The following ELAVL2 variants were observed in gnomAD, a reference collection of about 807,000 sequenced individuals.
ELAVL2 encodes the protein ELAV-like protein 2.
ELAVL2 carries 4 observed loss-of-function variants against 34.6 expected under a neutral mutation model. The ratio of observed to expected loss-of-function variants is 0.12; its 90% CI spans 0.06 to 0.26. The LOEUF is 0.26. Among genes scored for constraint, ELAVL2 ranks in the 10% least tolerant of loss-of-function variants. The probability of loss-of-function intolerance (pLI) is 1.00; values close to 1 mark genes in which losing one functional copy is unlikely to be tolerated. For missense variants in ELAVL2, 432 were observed against 442.8 expected (o/e 0.98, Z 0.22); for synonymous variants, 193 against 154.8 (o/e 1.25, Z -1.83).
chr9:23,793,264 C>T (rs985803219), intron 1 of ELAVL2, among the ~76,000 whole-genome samples: 13 of 152,308 alleles, frequency 8.5e-5, no homozygotes, highest in African/African-American at 3.1e-4. Flanking sequence ...TTCAAATAGG[C>T]TTTTACCTCC....
chr9:23,714,328 G>T (rs1465727169), intron 3 of ELAVL2, among the ~76,000 whole-genome samples: 1 of 152,172 alleles, frequency 6.6e-6, no homozygotes, highest in Non-Finnish European at 1.5e-5. Flanking sequence ...CACAGAAACA[G>T]TTCAAAAATC....
intron 1 of ELAVL2, among the ~76,000 whole-genome samples, chr9:23,775,931 T>A (rs2136506401): frequency 6.6e-6 from 1 of 152,330 alleles, no homozygotes; most frequent in African/African-American, 2.4e-5. Flanking sequence ...GATAACTCTG[T>A]GTGCTCCTAT....
At chr9:23,694,198 G>A (rs914744875) in intron 5 of ELAVL2, among the ~76,000 whole-genome samples, 4 of 151,042 alleles carry the variant, frequency 2.6e-5, no homozygotes, top group African/African-American at 9.8e-5. Flanking sequence ...TACGCTACAG[G>A]AAGTGTCGTC....
intron 6 of ELAVL2, 32 bp downstream of exon 6, chr9:23,693,416 G>A: frequency 6.2e-7 from 1 of 1,613,024 alleles, no homozygotes; most frequent in Non-Finnish European, 8.5e-7. Flanking sequence ...CTGTGGAAAG[G>A]GATTATGAGT....
At chr9:23,786,781 C>CAAAAAAAAAAAAAAAAAAAAA (rs57292061) in intron 1 of ELAVL2, among the ~76,000 whole-genome samples, 15 of 108,146 alleles carry the variant, frequency 1.4e-4, no homozygotes, top group Non-Finnish European at 2.3e-4. Flanking sequence ...ATTTTAGTGG[C>CAAAAAAAAAAAAAAAAAAAAA]AAAAAAAAAA....
At chr9:23,695,596 G>A (rs914169073) in intron 5 of ELAVL2, among the ~76,000 whole-genome samples, 3 of 152,128 alleles carry the variant, frequency 2.0e-5, no homozygotes, top group African/African-American at 7.2e-5. Context: ...TACAAACCTA[G>A]ATGGTAATAG....
chr9:23,700,922 G>C (rs1481480934), intron 5 of ELAVL2, among the ~76,000 whole-genome samples: 1 of 151,738 alleles, frequency 6.6e-6, no homozygotes, highest in African/African-American at 2.4e-5. Flanking sequence ...AAACAATTCA[G>C]ATAACCCCAG....
intron 5 of ELAVL2, among the ~76,000 whole-genome samples, chr9:23,695,636 G>T (rs1192230017): frequency 1.3e-5 from 2 of 152,126 alleles, no homozygotes; most frequent in Non-Finnish European, 2.9e-5. Context: ...TATGGTATGG[G>T]CTATGGCTCC....
intron 4 of ELAVL2, among the ~76,000 whole-genome samples, chr9:23,704,513 T>C (rs2038646117): frequency 6.6e-6 from 1 of 152,182 alleles, no homozygotes; most frequent in Admixed American, 6.5e-5. Flanking sequence ...AGTGTGGATG[T>C]AGTGTAATCC....
intron 1 of ELAVL2, among the ~76,000 whole-genome samples, chr9:23,804,950 G>C (rs778723005): frequency 1.3e-5 from 2 of 152,138 alleles, no homozygotes; most frequent in Non-Finnish European, 1.5e-5. Context: ...CCTTGAACTT[G>C]TTATATATAA....
At chr9:23,720,553 A>G (rs1204905130) in intron 3 of ELAVL2, among the ~76,000 whole-genome samples, 1 of 152,208 alleles carries the variant, frequency 6.6e-6, no homozygotes, top group East Asian at 1.9e-4. Context: ...TTATGCTAGC[A>G]TAATTGTAAT....
At chr9:23,775,293 C>T (rs1366996295) in intron 1 of ELAVL2, among the ~76,000 whole-genome samples, 1 of 152,188 alleles carries the variant, frequency 6.6e-6, no homozygotes, top group Non-Finnish European at 1.5e-5. Flanking sequence ...GTGACTCACG[C>T]TTGTAATTCC....
At chr9:23,756,921 T>C (rs1461963668) in intron 2 of ELAVL2, among the ~76,000 whole-genome samples, 2 of 152,098 alleles carry the variant, frequency 1.3e-5, no homozygotes, top group African/African-American at 4.8e-5. Flanking sequence ...ACCGTGCATT[T>C]CTAGCACTCA....
At chr9:23,831,271 T>C (rs1588892364), upstream of ELAVL2, among the ~76,000 whole-genome samples, 1 of 152,192 alleles carries the variant, frequency 6.6e-6, no homozygotes, top group East Asian at 1.9e-4. Flanking sequence ...TCCAGGGCGC[T>C]CCGCACGCCG....
chr9:23,786,783 A>C (rs1165016317), intron 1 of ELAVL2, among the ~76,000 whole-genome samples: 1 of 39,238 alleles, frequency 2.5e-5, no homozygotes, highest in Non-Finnish European at 4.6e-5. Flanking sequence ...TTTAGTGGCA[A>C]AAAAAAAAAA....
the ELAVL2 span, among the ~76,000 whole-genome samples, chr9:23,837,445 T>G: frequency 6.6e-6 from 1 of 152,172 alleles, no homozygotes; most frequent in Admixed American, 6.5e-5. Flanking sequence ...AAGACTAGAT[T>G]AGTAATAATA....
In ELAVL2 at chr9:23,701,564, T is replaced by A. The variant is rs185397630; in HGVS notation, c.528A>T (p.Arg176=). The change falls in exon 5 of 7, where the codon CGA becomes CGT. Residue 176 remains arginine, a synonymous_variant. Coordinates refer to ENST00000397312, the MANE Select transcript of ELAVL2 (RefSeq NM_004432.5). ...RGVGFIRFDK[R]IEAEEAIKGL... is the part of the protein sequence containing the mutation. ...CTTTGATAGCTTCTTCTGCCTCAAT[T>A]CGCTTGTCAAATCGAATAAACCCTA... is the stretch of plus-strand genomic sequence containing the variant. 6.8e-6 allele frequency: 11 copies of A among 1,614,106 alleles called. No homozygotes were observed. The highest frequency in any genetic ancestry group is 1.7e-5 in the Admixed American group (1 of 60,008).
intron 1 of ELAVL2, among the ~76,000 whole-genome samples, chr9:23,823,614 A>G (rs540282222): frequency 2.0e-4 from 31 of 152,224 alleles, no homozygotes; most frequent in Non-Finnish European, 3.4e-4. Flanking sequence ...CCCCATAACA[A>G]CTTCGAAACT....
At chr9:23,797,053 T>C (rs1458667943) in intron 1 of ELAVL2, among the ~76,000 whole-genome samples, 1 of 152,140 alleles carries the variant, frequency 6.6e-6, no homozygotes, top group Non-Finnish European at 1.5e-5. Flanking sequence ...TGGACACAGG[T>C]TGAATTAACC....
Sources: gnomAD v4.1 joint callset for allele counts (sites outside exome capture counted in the v4.1 genomes callset) on GRCh38, gnomAD v4.1.1 for gene constraint, MANE v1.5 for transcripts, NCBI Gene and HGNC (gene_info 2026-07-23, HGNC 2026-07-21) for gene names.